RANBP17: variants seen among roughly 807,000 people sequenced by gnomAD.
RANBP17 encodes the protein RAN binding protein 17.
Under a neutral mutation model 141.2 loss-of-function variants are expected in RANBP17, and 158 were observed. The ratio of observed to expected loss-of-function variants is 1.12; its 90% CI spans 0.98 to 1.28. The LOEUF (loss-of-function observed/expected upper bound fraction) is 1.28, where lower values mean the gene tolerates loss of function less well. Among genes scored for constraint, RANBP17 ranks in the 50% most tolerant of loss-of-function variants. RANBP17 has a pLI of 0.00. For missense variants in RANBP17, 1,438 were observed against 1,290.7 expected (o/e 1.11, Z -1.75); for synonymous variants, 430 against 450.0 (o/e 0.96, Z 0.56).
At chr5:171,053,916 TA>T (rs61128779) in intron 14 of RANBP17, among the ~76,000 whole-genome samples, 10,857 of 112,444 alleles carry the variant, frequency 0.097, 1,856 homozygotes, top group South Asian at 0.19. Flanking sequence ...TATATATATA[TA>T]TATATATAAT....
chr5:171,011,111 C>G (rs1357832259), intron 14 of RANBP17, among the ~76,000 whole-genome samples: 2 of 152,114 alleles, frequency 1.3e-5, no homozygotes, highest in East Asian at 3.9e-4. Context: ...AAAAAGATTG[C>G]AGACTAACAT....
intron 14 of RANBP17, among the ~76,000 whole-genome samples, chr5:171,081,219 T>C (rs1463382205): frequency 1.3e-5 from 2 of 152,216 alleles, no homozygotes; most frequent in Non-Finnish European, 2.9e-5. Context: ...TCGGTAGTGG[T>C]ATCTCTTATT....
chr5:171,127,764 A>G (rs1756590121), intron 14 of RANBP17, among the ~76,000 whole-genome samples: 1 of 152,248 alleles, frequency 6.6e-6, no homozygotes. Flanking sequence ...GGGGATGTTA[A>G]TTAGTACAAC....
chr5:170,970,642 T>C (rs1001526236), intron 14 of RANBP17: 1 of 152,116 alleles, frequency 6.6e-6, no homozygotes, highest in African/African-American at 2.4e-5. Context: ...AAGGTCTGAT[T>C]GCAAAAATTT....
chr5:171,040,832 C>T (rs190712862), intron 14 of RANBP17, among the ~76,000 whole-genome samples: 69 of 152,178 alleles, frequency 4.5e-4, no homozygotes, highest in African/African-American at 1.1e-3. Context: ...TATCTATTGC[C>T]GCAGAACAAA....
At chr5:171,147,778 C>A (rs1002278979) in intron 14 of RANBP17, among the ~76,000 whole-genome samples, 1 of 152,110 alleles carries the variant, frequency 6.6e-6, no homozygotes, top group Non-Finnish European at 1.5e-5. Flanking sequence ...GGGGGTCAGC[C>A]CCCCGCCCGG....
intron 20 of RANBP17, among the ~76,000 whole-genome samples, chr5:171,212,584 T>A (rs1762968402): frequency 6.6e-6 from 1 of 152,038 alleles, no homozygotes; most frequent in Non-Finnish European, 1.5e-5. Context: ...TGCTACGGAG[T>A]TTGAAATTTA....
intron 14 of RANBP17, among the ~76,000 whole-genome samples, chr5:171,030,159 A>G (rs1056227507): frequency 6.6e-6 from 1 of 152,070 alleles, no homozygotes; most frequent in Non-Finnish European, 1.5e-5. Flanking sequence ...TTTTCCAACC[A>G]TTAAGGTAAA....
intron 13 of RANBP17, 135 bp downstream of exon 13, chr5:170,953,837 G>C: frequency 3.3e-6 from 2 of 601,036 alleles, no homozygotes; most frequent in Non-Finnish European, 5.8e-6. Flanking sequence ...TTATTGGTGA[G>C]AAAACCAAGG....
intron 21 of RANBP17, among the ~76,000 whole-genome samples, chr5:171,215,744 A>G (rs1284438569): frequency 6.6e-6 from 1 of 151,820 alleles, no homozygotes; most frequent in Non-Finnish European, 1.5e-5. Flanking sequence ...CCACTTTTTG[A>G]TGGAGTTGTT....
chr5:171,191,704 AG>A (rs1761658006), intron 18 of RANBP17, among the ~76,000 whole-genome samples: 2 of 152,036 alleles, frequency 1.3e-5, no homozygotes, highest in African/African-American at 4.8e-5. Flanking sequence ...AAAAAAGAAA[AG>A]AAAACTGAGG....
At chr5:170,939,794 A>G (rs1327113884) in intron 12 of RANBP17, among the ~76,000 whole-genome samples, 1 of 151,960 alleles carries the variant, frequency 6.6e-6, no homozygotes, top group Non-Finnish European at 1.5e-5. Flanking sequence ...CATGTCAGAG[A>G]GAGAGTCGGG....
intron 14 of RANBP17, among the ~76,000 whole-genome samples, chr5:171,042,917 TC>T (rs2127638046): frequency 6.6e-6 from 1 of 152,262 alleles, no homozygotes; most frequent in Admixed American, 6.5e-5. Context: ...TGCAGTATCT[TC>T]TAAAATATAA....
chr5:171,071,328 A>G (rs1457469194), intron 14 of RANBP17, among the ~76,000 whole-genome samples: 1 of 152,072 alleles, frequency 6.6e-6, no homozygotes, highest in East Asian at 1.9e-4. Flanking sequence ...AAATCCCAGC[A>G]TATTTTTTGT....
At chr5:170,905,529 A>G (rs1771007277) in intron 5 of RANBP17, among the ~76,000 whole-genome samples, 1 of 152,140 alleles carries the variant, frequency 6.6e-6, no homozygotes, top group South Asian at 2.1e-4. Flanking sequence ...ATGGATTTCT[A>G]AAATTTAAAG....
At chr5:171,131,496 G>A (rs901512673) in intron 14 of RANBP17, among the ~76,000 whole-genome samples, 2 of 152,194 alleles carry the variant, frequency 1.3e-5, no homozygotes, top group African/African-American at 4.8e-5. Flanking sequence ...CTAAGATCCA[G>A]TAGTTCATTA....
At chr5:170,953,736 C>T in intron 13 of RANBP17, 34 bp downstream of exon 13, 1 of 1,387,514 alleles carries the variant, frequency 7.2e-7, no homozygotes, top group Non-Finnish European at 1.0e-6. Flanking sequence ...CTGAAATTCA[C>T]TAAATAGTTA....
chr5:171,128,027 G>A (rs530334721), intron 14 of RANBP17, among the ~76,000 whole-genome samples: 1 of 152,142 alleles, frequency 6.6e-6, no homozygotes, highest in African/African-American at 2.4e-5. Context: ...TTGTGGTGGC[G>A]GGCACCTGTA....
At chr5:171,228,379 A>C (rs1764003565) in intron 22 of RANBP17, among the ~76,000 whole-genome samples, 1 of 152,226 alleles carries the variant, frequency 6.6e-6, no homozygotes, top group Middle Eastern at 3.2e-3. Flanking sequence ...CTATAATTAG[A>C]AGTGGAGACT....
Sources: gnomAD v4.1 joint callset for allele counts (sites outside exome capture counted in the v4.1 genomes callset) on GRCh38, gnomAD v4.1.1 for gene constraint, MANE v1.5 for transcripts, NCBI Gene and HGNC (gene_info 2026-07-23, HGNC 2026-07-21) for gene names.